Variants in IRAG1 observed in about 807,000 individuals in gnomAD.
The protein encoded by IRAG1 is IP3R-associated cGMP kinase substrate.
A neutral mutation model predicts 106.2 loss-of-function variants in IRAG1; 62 were observed. The observed-to-expected ratio is 0.58, with a 90% CI of 0.48 to 0.72. The LOEUF (loss-of-function observed/expected upper bound fraction) is 0.72, where lower values mean the gene tolerates loss of function less well. Among genes scored for constraint, IRAG1 ranks in the 30% least tolerant of loss-of-function variants. The pLI is 0.00. For missense variants in IRAG1, 1,064 were observed against 1,140.7 expected (o/e 0.93, Z 0.97); for synonymous variants, 462 against 443.9 (o/e 1.04, Z -0.51).
At chr11:10,591,465 G>A in intron 18 of IRAG1, 83 bp downstream of exon 18, 1 of 1,223,674 alleles carries the variant, frequency 8.2e-7, no homozygotes, top group South Asian at 1.3e-5. Context: ...GCATTTTGGG[G>A]ATAAAAATGG....
intron 3 of IRAG1, among the ~76,000 whole-genome samples, chr11:10,633,360 C>T (rs1242145889): frequency 1.3e-5 from 2 of 152,294 alleles, no homozygotes; most frequent in South Asian, 2.1e-4. Flanking sequence ...CAGGCATGAG[C>T]CACTGCGCCC....
chr11:10,637,090 C>T (rs1857201041), intron 2 of IRAG1, among the ~76,000 whole-genome samples: 2 of 152,276 alleles, frequency 1.3e-5, no homozygotes, highest in African/African-American at 2.4e-5. Flanking sequence ...ACTTAACTAC[C>T]CAAAGGGAAA....
In IRAG1 at chr11:10,644,778, A is replaced by G. The variant is rs78919669; in HGVS notation, c.225+7247T>C. On this transcript the variant is annotated intron_variant, in intron 2 of 20. Coordinates refer to ENST00000423302, the MANE Select transcript of IRAG1 (RefSeq NM_130385.4). ...TCATCTCATTCCTGACAGATAATTG[A>G]TCCTTTGGGTCACACACCTTTTCTC... is the stretch of plus-strand genomic sequence containing the variant. Among the ~76,000 whole-genome samples, 814 of 152,204 alleles carry G rather than the reference A, an allele frequency of 5.3e-3. 4 individuals carry two copies. Among genetic ancestry groups the G allele is most frequent in the Non-Finnish European group, 8.1e-3 (548 of 68,016 alleles).
At chr11:10,579,155 T>C (rs564421677) in intron 20 of IRAG1, among the ~76,000 whole-genome samples, 38 of 152,302 alleles carry the variant, frequency 2.5e-4, no homozygotes, top group African/African-American at 7.9e-4. Flanking sequence ...GAGAAGCATT[T>C]CTCCAGTTCT....
chr11:10,595,355 T>C (rs1047691033), intron 15 of IRAG1, among the ~76,000 whole-genome samples: 1 of 152,202 alleles, frequency 6.6e-6, no homozygotes, highest in Non-Finnish European at 1.5e-5. Flanking sequence ...TTTTGTTTTA[T>C]TCATTGACTT....
chr11:10,656,673 T>C (rs1219529588), intron 1 of IRAG1, among the ~76,000 whole-genome samples: 1 of 152,214 alleles, frequency 6.6e-6, no homozygotes, highest in African/African-American at 2.4e-5. Context: ...ATAGGTTTTA[T>C]TATTTCCATT....
Position 10,606,732 on chromosome 11 carries a change from A to C in IRAG1, c.1602+10T>G, listed in dbSNP as rs16908033. On this transcript the variant is annotated intron_variant, in intron 12 of 20. Coordinates refer to ENST00000423302, the MANE Select transcript of IRAG1 (RefSeq NM_130385.4). ...GGCACTAAATTTCATAACACACTTG[A>C]GTCACTTACCTCAACTTCCTTTTCA... The C allele has an allele frequency of 1.7e-3, 2,688 of 1,594,334 alleles. 55 individuals are homozygous for C. The African/African-American group carries it at 0.032, about 19-fold the overall frequency.
At chr11:10,637,193 C>G (rs961894638) in intron 2 of IRAG1, among the ~76,000 whole-genome samples, 3 of 152,142 alleles carry the variant, frequency 2.0e-5, no homozygotes, top group Admixed American at 6.5e-5. Context: ...CATCTATCAT[C>G]CCCTATAGGA....
Position 10,686,687 on chromosome 11 carries a change from G to T in IRAG1, c.67+6849C>A, listed in dbSNP as rs372521449. ...CCTGCAGCCAGGTCTATAGGCCACA[G>T]AGAGATGGAAAGAGATGGGGCTTGG... On this transcript the variant is annotated intron_variant, in intron 1 of 20. Coordinates refer to ENST00000423302, the MANE Select transcript of IRAG1 (RefSeq NM_130385.4). Among the ~76,000 whole-genome samples the T allele has an allele frequency of 6.6e-5, 10 of 152,310 alleles. No homozygotes were observed. The East Asian group carries it at 1.9e-3, about 29-fold the overall frequency.
At chr11:10,644,623 G>C (rs1857796574) in intron 2 of IRAG1, among the ~76,000 whole-genome samples, 1 of 152,164 alleles carries the variant, frequency 6.6e-6, no homozygotes. Flanking sequence ...AAAGTGCCTA[G>C]AGCAGTGCCT....
intron 14 of IRAG1, among the ~76,000 whole-genome samples, 196 bp downstream of exon 14, chr11:10,602,924 C>T (rs1251799552): frequency 6.6e-6 from 1 of 152,140 alleles, no homozygotes; most frequent in Non-Finnish European, 1.5e-5. Flanking sequence ...CCACAGAAAC[C>T]TTTTTCCACA....
rs1266183753 is a variant in IRAG1, at chr11:10,573,952, C to T, written c.*2380G>A. 1 of 152,426 alleles carries T rather than the reference C, an allele frequency of 6.6e-6. No individual in the cohort carries two copies. The highest frequency in any genetic ancestry group is 2.4e-5 in the African/African-American group (1 of 41,470). 9.4% of individuals were successfully genotyped at this position (152,426 alleles called of 1,614,324 possible). ...TGGAAGAGGCCGGGCAAATCATCCACTTCTGCCCCCAGAGTCCCTCTGCCC... is the reference window on the plus strand; with the variant it reads ...TGGAAGAGGCCGGGCAAATCATCCATTTCTGCCCCCAGAGTCCCTCTGCCC... On this transcript the variant is annotated 3_prime_UTR_variant, in exon 21 of 21. Transcript: ENST00000423302.
chr11:10,602,206 C>CGACA (rs1854089199), intron 14 of IRAG1, among the ~76,000 whole-genome samples: 1 of 152,228 alleles, frequency 6.6e-6, no homozygotes, highest in African/African-American at 2.4e-5. Flanking sequence ...GATGGCCCAG[C>CGACA]GACAGGTCTT....
rs541344860 is a variant in IRAG1 at position 10,646,465 on chromosome 11, T to C, written c.225+5560A>G. On this transcript the variant is annotated intron_variant, in intron 2 of 20. Transcript: ENST00000423302. ...TATCTACCCAACCCCAGATTTGTTA[T>C]GGTGGCACTTACATCAGTCCCTATT... 2.6e-5 allele frequency among the ~76,000 whole-genome samples: 4 copies of C among 152,298 alleles called. No individual in the cohort carries two copies. In the East Asian group the frequency reaches 5.8e-4, roughly 22 times the overall value.
intron 14 of IRAG1, among the ~76,000 whole-genome samples, chr11:10,602,823 C>A (rs543089250): frequency 6.6e-6 from 1 of 152,186 alleles, no homozygotes; most frequent in Non-Finnish European, 1.5e-5. Flanking sequence ...GCCTTCTCCA[C>A]CACAGGAGTT....
intron 11 of IRAG1, 100 bp downstream of exon 11, chr11:10,609,628 G>T: frequency 1.5e-6 from 2 of 1,377,994 alleles, no homozygotes; most frequent in Non-Finnish European, 2.0e-6. Flanking sequence ...GGCCCTTCTG[G>T]GTTCAAGAAT....
chr11:10,580,443 C>A lies in IRAG1; in HGVS notation c.2495+12G>T. The A allele has an allele frequency of 6.2e-7, 1 of 1,605,106 alleles. No individual in the cohort carries two copies. The highest frequency in any genetic ancestry group is 8.5e-7 in the Non-Finnish European group (1 of 1,177,356). On this transcript the variant is annotated intron_variant, in intron 20 of 20. Transcript: ENST00000423302. ...TCAGCAACGGCAAGGACTCCAAACACAGGCTTCCCACCTGCTTCTTGGGCC... is the reference window on the plus strand; with the variant it reads ...TCAGCAACGGCAAGGACTCCAAACAAAGGCTTCCCACCTGCTTCTTGGGCC...
chr11:10,658,781 G>T (rs1044314662), intron 1 of IRAG1, among the ~76,000 whole-genome samples: 1 of 149,496 alleles, frequency 6.7e-6, no homozygotes, highest in Non-Finnish European at 1.5e-5. Context: ...TGCTGTGCTT[G>T]CCCCGTGTCT....
chr11:10,692,792 G>A (rs1201340480), intron 1 of IRAG1, among the ~76,000 whole-genome samples: 1 of 152,216 alleles, frequency 6.6e-6, no homozygotes, highest in Non-Finnish European at 1.5e-5. Context: ...TGGGCAGGAG[G>A]GAGCAAGACA....
Sources: allele counts gnomAD v4.1 joint callset (sites outside exome capture counted in the v4.1 genomes callset), GRCh38; gene constraint gnomAD v4.1.1; transcripts MANE v1.5; gene names NCBI Gene and HGNC (gene_info 2026-07-23, HGNC 2026-07-21).